The following APBB2 variants were observed in gnomAD, a reference collection of about 807,000 sequenced individuals.
The protein encoded by APBB2 is Fe65-like 1.
Under a neutral mutation model 82.5 loss-of-function variants are expected in APBB2, and 38 were observed. The observed-to-expected ratio is 0.46, with a 90% CI of 0.36 to 0.60. The LOEUF is 0.60. Among genes scored for constraint, APBB2 ranks in the 20% least tolerant of loss-of-function variants. The pLI is 0.00. For synonymous variants in APBB2, 341 were observed against 368.2 expected, an observed-to-expected ratio of 0.93 and a Z score of 0.85; for missense variants, 772 against 972.3, an observed-to-expected ratio of 0.79 and a Z score of 2.74.
chr4:41,088,327 A>G (rs1022855077), intron 3 of APBB2, among the ~76,000 whole-genome samples: 1 of 152,216 alleles, frequency 6.6e-6, no homozygotes, highest in South Asian at 2.1e-4. Flanking sequence ...TCTTGACCAC[A>G]TCAATATACA....
chr4:41,023,301 T>A (rs371462141), intron 5 of APBB2, among the ~76,000 whole-genome samples: 1 of 152,230 alleles, frequency 6.6e-6, no homozygotes, highest in Admixed American at 6.5e-5. Context: ...AGTTGCAGAC[T>A]TCTATGATTA....
chr4:41,076,148 C>T (rs575900454), intron 3 of APBB2, among the ~76,000 whole-genome samples: 53 of 152,214 alleles, frequency 3.5e-4, no homozygotes, highest in Middle Eastern at 3.4e-3. Flanking sequence ...ATTTTCAAAG[C>T]AGGGGCAGAC....
At chr4:41,146,323 CAAAAAAAAAA>C (rs35546477) in intron 1 of APBB2, among the ~76,000 whole-genome samples, 1 of 58,354 alleles carries the variant, frequency 1.7e-5, no homozygotes, top group Non-Finnish European at 3.1e-5. Context: ...AAGACTGTCT[CAAAAAAAAAA>C]AAAAAAAAAA....
intron 12 of APBB2, among the ~76,000 whole-genome samples, chr4:40,848,727 A>C: frequency 6.6e-6 from 1 of 150,862 alleles, no homozygotes; most frequent in Non-Finnish European, 1.5e-5. Flanking sequence ...ACCGCCGCAA[A>C]CTCCCTGCCT....
intron 4 of APBB2, among the ~76,000 whole-genome samples, chr4:41,051,635 C>T (rs1474262289): frequency 1.3e-5 from 2 of 152,176 alleles, no homozygotes; most frequent in Admixed American, 6.5e-5. Flanking sequence ...TTCATTTCCA[C>T]GGTCGCCTCT....
At chr4:41,126,277 G>A (rs1372692121) in intron 2 of APBB2, among the ~76,000 whole-genome samples, 2 of 151,922 alleles carry the variant, frequency 1.3e-5, no homozygotes, top group African/African-American at 4.8e-5. Context: ...CCAGCTACTT[G>A]GGAGGCTGAA....
intron 6 of APBB2, among the ~76,000 whole-genome samples, chr4:40,984,503 G>A (rs1455899453): frequency 6.6e-6 from 1 of 151,990 alleles, no homozygotes; most frequent in Admixed American, 6.5e-5. Flanking sequence ...GGGGGTCAGG[G>A]AGGTCAGGGA....
chr4:40,821,056 A>G (rs1747749191), intron 17 of APBB2, among the ~76,000 whole-genome samples: 1 of 152,152 alleles, frequency 6.6e-6, no homozygotes, highest in African/African-American at 2.4e-5. Flanking sequence ...TAGTAGAGAC[A>G]GGGCTTCTCC....
At chr4:40,985,605 C>T (rs2048175) in intron 6 of APBB2, among the ~76,000 whole-genome samples, 15,708 of 152,048 alleles carry the variant, frequency 0.1, 878 homozygotes, top group Admixed American at 0.16. Flanking sequence ...TTCAATACAC[C>T]GACTAATCCA....
chr4:40,972,345 A>G (rs536695804), intron 6 of APBB2, among the ~76,000 whole-genome samples: 5 of 151,906 alleles, frequency 3.3e-5, no homozygotes, highest in African/African-American at 1.2e-4. Context: ...GGAGAATGGC[A>G]TGAACCCGGG....
At chr4:40,833,953 C>T (rs187150365) in intron 12 of APBB2, among the ~76,000 whole-genome samples, 6 of 152,330 alleles carry the variant, frequency 3.9e-5, no homozygotes, top group South Asian at 2.1e-4. Context: ...CTTTCATAGG[C>T]AGCCTTTTAG....
At chr4:41,080,527 T>C (rs1737212131) in intron 3 of APBB2, among the ~76,000 whole-genome samples, 1 of 152,084 alleles carries the variant, frequency 6.6e-6, no homozygotes, top group African/African-American at 2.4e-5. Flanking sequence ...ACAAACCCGA[T>C]AAAGAGGGCT....
intron 6 of APBB2, among the ~76,000 whole-genome samples, chr4:40,959,567 T>C (rs1792538933): frequency 6.6e-6 from 1 of 152,194 alleles, no homozygotes; most frequent in South Asian, 2.1e-4. Context: ...TTAAGTTAGA[T>C]ACTTCAACAA....
intron 4 of APBB2, among the ~76,000 whole-genome samples, chr4:41,050,255 A>C (rs139381846): frequency 2.1e-3 from 319 of 152,362 alleles, no homozygotes; most frequent in Non-Finnish European, 3.8e-3. Flanking sequence ...TCCAAGGTAC[A>C]ATACAGAAAC....
At chr4:40,881,827 C>T (rs1768704071) in intron 12 of APBB2, among the ~76,000 whole-genome samples, 1 of 152,018 alleles carries the variant, frequency 6.6e-6, no homozygotes, top group Non-Finnish European at 1.5e-5. Flanking sequence ...AGCCACTGCG[C>T]CCGGCCGAGA....
At chr4:41,006,344 T>A (rs1283590291) in intron 6 of APBB2, among the ~76,000 whole-genome samples, 1 of 152,210 alleles carries the variant, frequency 6.6e-6, no homozygotes, top group Admixed American at 6.5e-5. Flanking sequence ...TATGGAACTC[T>A]CAACTGAGAA....
chr4:40,955,993 C>T (rs1200134291), intron 6 of APBB2, among the ~76,000 whole-genome samples: 13 of 151,980 alleles, frequency 8.6e-5, no homozygotes, highest in Non-Finnish European at 1.8e-4. Context: ...AGGCTGGTCT[C>T]GAACTCCCGA....
chr4:40,931,247 C>G (rs1232538737), intron 10 of APBB2, among the ~76,000 whole-genome samples: 2 of 152,174 alleles, frequency 1.3e-5, no homozygotes, highest in Admixed American at 6.5e-5. Context: ...ACAAAACAGG[C>G]AGGAATGACT....
intron 6 of APBB2, among the ~76,000 whole-genome samples, chr4:40,985,929 A>G (rs1176547874): frequency 6.6e-6 from 1 of 152,234 alleles, no homozygotes; most frequent in Non-Finnish European, 1.5e-5. Context: ...AATTATCTTA[A>G]GTACAGACTT....
Sources: gnomAD v4.1 joint callset for allele counts (sites outside exome capture counted in the v4.1 genomes callset) on GRCh38, gnomAD v4.1.1 for gene constraint, MANE v1.5 for transcripts, NCBI Gene and HGNC (gene_info 2026-07-23, HGNC 2026-07-21) for gene names.